REL: variants seen among roughly 807,000 people sequenced by gnomAD.
The protein encoded by REL is proto-oncogene c-Rel.
In REL, 15 loss-of-function variants were observed where a neutral mutation model predicts 45.9. That is an observed-to-expected ratio of 0.33 (90% CI 0.22 to 0.50). The LOEUF (loss-of-function observed/expected upper bound fraction) is 0.50, where lower values mean the gene tolerates loss of function less well. Among genes scored for constraint, REL ranks in the 20% least tolerant of loss-of-function variants. The pLI is 0.98. For missense variants in REL, 601 were observed against 715.2 expected, an observed-to-expected ratio of 0.84 and a Z score of 1.82; for synonymous variants, 239 against 242.1, an observed-to-expected ratio of 0.99 and a Z score of 0.12.
chr2:60,881,669 G>C lies in REL; in HGVS notation c.-172G>C. On this transcript the variant is annotated 5_prime_UTR_variant, in exon 1 of 10. Coordinates refer to ENST00000394479, the MANE Select transcript of REL (RefSeq NM_001291746.2). Reference sequence around the variant, plus strand: ...GGTGCAAGAATTCAGGGGTTGGGAAGGTGTGAGCCGCAAACCCAGCGGAGG... The same window carrying C: ...GGTGCAAGAATTCAGGGGTTGGGAACGTGTGAGCCGCAAACCCAGCGGAGG... The C allele has an allele frequency of 1.8e-6, 1 of 555,816 alleles. No individual in the cohort carries two copies. The highest frequency in any genetic ancestry group is 3.4e-5 in the Admixed American group (1 of 29,376). The allele number at this position is 555,816 out of a possible 1,614,324, so 34.4% of individuals were successfully genotyped here. A position where few individuals can be genotyped will look rare whatever the true frequency, so the allele number is the denominator to read the frequency against.
At position 60,881,759 on chromosome 2, in the gene REL, T is replaced by C; in HGVS notation, c.-82T>C. 7 of 1,332,972 alleles carry C rather than the reference T, an allele frequency of 5.3e-6. No homozygotes were observed. Among genetic ancestry groups the C allele is most frequent in the Non-Finnish European group, 7.2e-6 (7 of 967,740 alleles). The allele number at this position is 1,332,972 out of a possible 1,614,324, so 82.6% of individuals were successfully genotyped here. On this transcript the variant is annotated 5_prime_UTR_variant, in exon 1 of 10. Transcript: ENST00000394479. ...TGGGGGCCCCGCCGGCAGAGGTCCC[T>C]CGGCCTCCTGACTGACTGACTGCGG...
At position 60,914,522 on chromosome 2, in the gene REL, TA is replaced by T. The variant is rs1284177654; in HGVS notation, c.395-2350del. ...GTTTATTTTTCTTTTATGTGCCATT[TA>T]AAAATATTTAAAATAAACTTTTATT... On this transcript the variant is annotated intron_variant, in intron 4 of 9. Coordinates refer to ENST00000394479, the MANE Select transcript of REL (RefSeq NM_001291746.2). Among the ~76,000 whole-genome samples the T allele has an allele frequency of 2.0e-5, 3 of 152,216 alleles. No individual in the cohort carries two copies. In the East Asian group the frequency reaches 5.8e-4, roughly 29 times the overall value.
chr2:60,905,133 C>T (rs1411489214), intron 4 of REL, among the ~76,000 whole-genome samples: 1 of 152,174 alleles, frequency 6.6e-6, no homozygotes, highest in African/African-American at 2.4e-5. Flanking sequence ...CTCCCTCTGT[C>T]GCCCAGGCTG....
intron 4 of REL, among the ~76,000 whole-genome samples, chr2:60,902,665 A>T (rs769253687): frequency 1.3e-5 from 2 of 148,342 alleles, no homozygotes; most frequent in African/African-American, 5.0e-5. Flanking sequence ...GTGATCACAG[A>T]TCACTGCGGC....
intron 1 of REL, among the ~76,000 whole-genome samples, chr2:60,882,115 C>T (rs1248392380): frequency 7.2e-5 from 11 of 152,142 alleles, no homozygotes; most frequent in Admixed American, 7.2e-4. Flanking sequence ...TTAGGGAAGT[C>T]ATAAGCGAAC....
chr2:60,886,151 T>C (rs1673065966), intron 1 of REL, among the ~76,000 whole-genome samples: 1 of 152,224 alleles, frequency 6.6e-6, no homozygotes, highest in African/African-American at 2.4e-5. Context: ...TTAGAATTTC[T>C]TGGAAGGCTT....
intron 8 of REL, 164 bp downstream of exon 8, chr2:60,920,273 C>A (rs1294968229): frequency 1.6e-6 from 1 of 636,054 alleles, no homozygotes; most frequent in East Asian, 2.8e-5. Flanking sequence ...GCAATCTCAA[C>A]TCACTGCAAC....
chr2:60,900,771 C>A, intron 3 of REL: 1 of 434,968 alleles, frequency 2.3e-6, no homozygotes, highest in Non-Finnish European at 4.1e-6. Flanking sequence ...GATCCACCTG[C>A]CTTGGCCTCC....
In REL at chr2:60,894,453, C is replaced by T; in HGVS notation, c.210C>T (p.Asp70=). The T allele has an allele frequency of 6.3e-7, 1 of 1,595,544 alleles. No homozygotes were observed. Among genetic ancestry groups the T allele is most frequent in the Non-Finnish European group, 8.6e-7 (1 of 1,167,900 alleles). ...KVRITLVTKN[D]PYKPHPHDLV... is the part of the protein sequence containing the mutation. ...GAATTACATTAGTAACAAAGAATGA[C>T]CCATATAAACCTCATCCTCATGATT... Residue 70 remains aspartate (D), a synonymous_variant, in exon 3 of 10, where the codon GAC becomes GAT. Coordinates refer to ENST00000394479, the MANE Select transcript of REL (RefSeq NM_001291746.2).
At chr2:60,902,146 A>G (rs1385634766) in intron 4 of REL, among the ~76,000 whole-genome samples, 1 of 152,200 alleles carries the variant, frequency 6.6e-6, no homozygotes, top group Non-Finnish European at 1.5e-5. Flanking sequence ...TCTTGGTCAT[A>G]TTTGAGACAT....
At chr2:60,913,145 A>T (rs1345648147) in intron 4 of REL, among the ~76,000 whole-genome samples, 1 of 152,010 alleles carries the variant, frequency 6.6e-6, no homozygotes, top group African/African-American at 2.4e-5. Flanking sequence ...TTCAGTTTCA[A>T]GTTCTCCAGT....
intron 4 of REL, among the ~76,000 whole-genome samples, chr2:60,901,350 C>T (rs1021236953): frequency 6.6e-6 from 1 of 151,778 alleles, no homozygotes; most frequent in African/African-American, 2.4e-5. Context: ...TAAGTAGAGA[C>T]GGGGTTTCAC....
In REL at chr2:60,881,590, T is replaced by C; in HGVS notation, c.-251T>C. ...TGGGCCAGCACTCGGCTCTCCCCGC[T>C]CCGCCCCCTGCCCCTGGCTCCCGTA... On this transcript the variant is annotated 5_prime_UTR_variant, in exon 1 of 10. Coordinates refer to ENST00000394479, the MANE Select transcript of REL (RefSeq NM_001291746.2). 3 of 493,186 alleles carry C rather than the reference T, an allele frequency of 6.1e-6. No homozygotes were observed. In the South Asian group the frequency reaches 7.9e-5, roughly 13 times the overall value. 30.6% of individuals were successfully genotyped at this position (493,186 alleles called of 1,614,324 possible). A position where few individuals can be genotyped will look rare whatever the true frequency, so the allele number is the denominator to read the frequency against.
chr2:60,913,459 G>T (rs1336535141), intron 4 of REL, among the ~76,000 whole-genome samples: 1 of 152,060 alleles, frequency 6.6e-6, no homozygotes, highest in Non-Finnish European at 1.5e-5. Flanking sequence ...AATGATTTAG[G>T]TTATTTGAAG....
chr2:60,913,649 T>A (rs1336712263), intron 4 of REL, among the ~76,000 whole-genome samples: 1 of 152,240 alleles, frequency 6.6e-6, no homozygotes, highest in East Asian at 1.9e-4. Context: ...TCAATCTTCT[T>A]AACCATCTCT....
chr2:60,891,865 G>T, intron 2 of REL, 40 bp downstream of exon 2: 2 of 1,545,208 alleles, frequency 1.3e-6, no homozygotes, highest in Non-Finnish European at 1.8e-6. Flanking sequence ...ACTATTAGTT[G>T]CTTCATATAC....
In REL at chr2:60,929,726, G is replaced by A. The variant is rs572438589; in HGVS notation, c.*7191G>A. On this transcript the variant is annotated 3_prime_UTR_variant, in exon 10 of 10. Transcript: ENST00000394479. The stretch of plus-strand genomic sequence containing the variant: ...GGAGATATACCTAATGCTAGATGAC[G>A]AGTTAGTGGGTGCAGTGCACCAGCA... 13 of 150,572 alleles carry A rather than the reference G, an allele frequency of 8.6e-5. No homozygotes were observed. Among genetic ancestry groups the A allele is most frequent in the Non-Finnish European group, 1.6e-4 (11 of 67,632 alleles). The allele number at this position is 150,572 out of a possible 1,614,324, so 9.3% of individuals were successfully genotyped here.
At chr2:60,890,902 C>T (rs147421354) in intron 1 of REL, among the ~76,000 whole-genome samples, 84 of 152,290 alleles carry the variant, frequency 5.5e-4, no homozygotes, top group African/African-American at 1.8e-3. Context: ...ACAGTATGTG[C>T]TCTTCTGGTC....
chr2:60,900,905 GAT>G, intron 3 of REL, 85 bp from the exon 4 acceptor site: 1 of 1,106,086 alleles, frequency 9.0e-7, no homozygotes, highest in Non-Finnish European at 1.3e-6. Context: ...CTGACAGCAT[GAT>G]AACTTCAGTA....
Sources: allele counts gnomAD v4.1 joint callset (sites outside exome capture counted in the v4.1 genomes callset), GRCh38; gene constraint gnomAD v4.1.1; transcripts MANE v1.5; gene names NCBI Gene and HGNC (gene_info 2026-07-23, HGNC 2026-07-21).